SGCZ: variants seen among roughly 807,000 people sequenced by gnomAD.
SGCZ encodes the protein sarcoglycan zeta, also known as zeta-sarcoglycan.
SGCZ carries 40 observed loss-of-function variants against 41.3 expected under a neutral mutation model. The ratio of observed to expected loss-of-function variants is 0.97; its 90% CI spans 0.75 to 1.26. SGCZ has a LOEUF of 1.26. Among genes scored for constraint, SGCZ ranks in the 50% most tolerant of loss-of-function variants. The pLI, the probability that SGCZ is intolerant of heterozygous loss-of-function variation, is 0.00. For missense variants in SGCZ, 552 were observed against 369.8 expected (o/e 1.49, Z -4.04); for synonymous variants, 206 against 137.5 (o/e 1.50, Z -3.49).
intron 2 of SGCZ, among the ~76,000 whole-genome samples, chr8:14,443,076 T>G (rs1034832741): frequency 3.3e-5 from 5 of 151,758 alleles, no homozygotes; most frequent in African/African-American, 7.3e-5. Context: ...TCAAAGAAAA[T>G]AAAATACCTA....
chr8:14,877,690 C>T (rs1804414759), intron 1 of SGCZ, among the ~76,000 whole-genome samples: 1 of 152,056 alleles, frequency 6.6e-6, no homozygotes, highest in Non-Finnish European at 1.5e-5. Flanking sequence ...TACATCTTTT[C>T]TTTTTAACTT....
intron 2 of SGCZ, among the ~76,000 whole-genome samples, chr8:14,426,969 ATTCT>A (rs1459834695): frequency 2.0e-5 from 3 of 152,094 alleles, no homozygotes; most frequent in African/African-American, 7.2e-5. Flanking sequence ...TTAAAAGCTG[ATTCT>A]TTATTATTTG....
At position 14,966,522 on chromosome 8, in the gene SGCZ, C is replaced by T. The variant is rs191147355; in HGVS notation, c.39+271063G>A. Among the ~76,000 whole-genome samples the T allele has an allele frequency of 3.6e-3, 543 of 151,976 alleles. 1 individual carries two copies. The highest frequency in any genetic ancestry group is 0.012 in the African/African-American group (505 of 41,490). ...TTACAAAGTCCAGGTATTAATTAAA[C>T]GTAACAAAAATGTATTCCATTTTCA... On this transcript the variant is annotated intron_variant, in intron 1 of 7. Coordinates refer to ENST00000382080, the MANE Select transcript of SGCZ (RefSeq NM_139167.4).
chr8:15,200,486 C>T (rs1800857006), intron 1 of SGCZ, among the ~76,000 whole-genome samples: 1 of 152,144 alleles, frequency 6.6e-6, no homozygotes, highest in Non-Finnish European at 1.5e-5. Context: ...ATATCTGGAG[C>T]TCCCTTACCT....
At chr8:14,140,644 C>T (rs1585171742) in intron 5 of SGCZ, among the ~76,000 whole-genome samples, 1 of 152,114 alleles carries the variant, frequency 6.6e-6, no homozygotes, top group African/African-American at 2.4e-5. Flanking sequence ...AGGAGAACTA[C>T]AAACCACTGC....
intron 3 of SGCZ, among the ~76,000 whole-genome samples, chr8:14,315,686 C>T (rs1486126765): frequency 6.6e-6 from 1 of 151,840 alleles, no homozygotes; most frequent in Non-Finnish European, 1.5e-5. Context: ...GATAGATTTA[C>T]TTGAAACAGA....
intron 1 of SGCZ, among the ~76,000 whole-genome samples, chr8:15,070,571 T>C (rs1387571722): frequency 2.0e-5 from 3 of 152,172 alleles, no homozygotes; most frequent in Non-Finnish European, 4.4e-5. Flanking sequence ...AAGAATTGCA[T>C]AGGGCCCATG....
At chr8:14,449,405 C>T (rs1234237613) in intron 2 of SGCZ, among the ~76,000 whole-genome samples, 1 of 152,092 alleles carries the variant, frequency 6.6e-6, no homozygotes, top group African/African-American at 2.4e-5. Flanking sequence ...TCATTTGTGT[C>T]CCAATATTTG....
chr8:14,504,590 CTT>C (rs1288881810), intron 2 of SGCZ, among the ~76,000 whole-genome samples: 1 of 152,022 alleles, frequency 6.6e-6, no homozygotes, highest in Non-Finnish European at 1.5e-5. Context: ...TTTCTTTTCT[CTT>C]GTTTCTTTGT....
intron 4 of SGCZ, among the ~76,000 whole-genome samples, chr8:14,231,389 A>G (rs995533058): frequency 1.3e-5 from 2 of 151,876 alleles, no homozygotes; most frequent in Non-Finnish European, 2.9e-5. Context: ...ATCAATATCA[A>G]TTTCATCATG....
intron 1 of SGCZ, among the ~76,000 whole-genome samples, chr8:15,123,925 C>G (rs1255588960): frequency 4.6e-5 from 7 of 151,342 alleles, no homozygotes; most frequent in Non-Finnish European, 1.5e-5. Context: ...TGAAGGTAGT[C>G]TACAAAAGAG....
chr8:14,300,449 T>C (rs1160348829), intron 3 of SGCZ, among the ~76,000 whole-genome samples: 2 of 151,880 alleles, frequency 1.3e-5, no homozygotes, highest in African/African-American at 2.4e-5. Context: ...CTGAAGTCAA[T>C]ACAGTATAGT....
chr8:14,372,331 A>C (rs1056291789), intron 2 of SGCZ, among the ~76,000 whole-genome samples: 4 of 152,174 alleles, frequency 2.6e-5, no homozygotes, highest in Non-Finnish European at 5.9e-5. Flanking sequence ...TATTATAAAG[A>C]AACATCAGAA....
chr8:14,291,568 A>G (rs1372136192), intron 3 of SGCZ, among the ~76,000 whole-genome samples: 1 of 152,064 alleles, frequency 6.6e-6, no homozygotes, highest in Non-Finnish European at 1.5e-5. Context: ...TACTCTTTCA[A>G]GATAGTTTTC....
intron 3 of SGCZ, among the ~76,000 whole-genome samples, chr8:14,291,238 G>C (rs532411669): frequency 1.3e-5 from 2 of 152,046 alleles, no homozygotes; most frequent in East Asian, 3.9e-4. Context: ...CTATTGCCTA[G>C]TAGGTTAAAG....
At chr8:14,327,610 C>T (rs907567816) in intron 2 of SGCZ, among the ~76,000 whole-genome samples, 9 of 152,166 alleles carry the variant, frequency 5.9e-5, no homozygotes, top group African/African-American at 2.2e-4. Flanking sequence ...TGGGCATCCA[C>T]AGTTAAGTGT....
intron 4 of SGCZ, among the ~76,000 whole-genome samples, chr8:14,168,198 G>A (rs138232384): frequency 1.7e-4 from 26 of 152,230 alleles, no homozygotes; most frequent in African/African-American, 6.3e-4. Context: ...ACAAAAATGA[G>A]ATTCAAAATT....
chr8:14,757,273 C>T (rs1428899807), intron 1 of SGCZ, among the ~76,000 whole-genome samples: 1 of 152,100 alleles, frequency 6.6e-6, no homozygotes, highest in Non-Finnish European at 1.5e-5. Flanking sequence ...GGACTCGAAC[C>T]CCTGACTTCA....
intron 1 of SGCZ, among the ~76,000 whole-genome samples, chr8:14,709,519 T>A (rs1388405094): frequency 6.6e-6 from 1 of 152,162 alleles, no homozygotes; most frequent in Non-Finnish European, 1.5e-5. Context: ...CCCTTCTCAA[T>A]TGTGCAGAAT....
Sources: allele counts gnomAD v4.1 joint callset (sites outside exome capture counted in the v4.1 genomes callset), GRCh38; gene constraint gnomAD v4.1.1; transcripts MANE v1.5; gene names NCBI Gene and HGNC (gene_info 2026-07-23, HGNC 2026-07-21).